Variants in FAM228A observed in about 807,000 individuals in gnomAD.
FAM228A encodes the protein protein FAM228A.
FAM228A carries 13 observed loss-of-function variants against 18.6 expected under a neutral mutation model. That is an observed-to-expected ratio of 0.70 (90% confidence interval 0.45 to 1.11). FAM228A has a LOEUF of 1.11. FAM228A is among the 50% of genes least tolerant of loss of function. The pLI is 0.00. For missense variants in FAM228A, 240 were observed against 242.2 expected, an observed-to-expected ratio of 0.99 and a Z score of 0.06; for synonymous variants, 77 against 86.6, an observed-to-expected ratio of 0.89 and a Z score of 0.61.
At chr2:24,182,030 C>A (rs944401764) in intron 3 of FAM228A, among the ~76,000 whole-genome samples, 1 of 152,098 alleles carries the variant, frequency 6.6e-6, no homozygotes, top group Non-Finnish European at 1.5e-5. Flanking sequence ...GCGAGTGTCA[C>A]AGAAGTCAGC....
chr2:24,190,350 T>A (rs1668050868), intron 5 of FAM228A, 62 bp from the exon 6 acceptor site: 1 of 1,492,994 alleles, frequency 6.7e-7, no homozygotes, highest in Admixed American at 2.5e-5. Flanking sequence ...CTTCGGAAAC[T>A]ATTTGATGGT....
chr2:24,190,313 A>G (rs1039089922), intron 5 of FAM228A, 99 bp from the exon 6 acceptor site: 1 of 1,382,452 alleles, frequency 7.2e-7, no homozygotes, highest in Admixed American at 2.8e-5. Context: ...CCTTCTCAAA[A>G]GTGACGATTG....
At chr2:24,188,511 T>G in intron 5 of FAM228A, 1 of 985,434 alleles carries the variant, frequency 1.0e-6, no homozygotes, top group Non-Finnish European at 1.2e-6. Context: ...ATTGCTTGAC[T>G]TGCCTCTTAG....
chr2:24,179,977 C>G (rs1288905200), intron 3 of FAM228A, among the ~76,000 whole-genome samples: 1 of 152,200 alleles, frequency 6.6e-6, no homozygotes, highest in Non-Finnish European at 1.5e-5. Context: ...TTAGGACTAA[C>G]AGTTTCTATA....
intron 3 of FAM228A, among the ~76,000 whole-genome samples, chr2:24,181,366 T>C (rs1667811691): frequency 6.6e-6 from 1 of 152,218 alleles, no homozygotes; most frequent in African/African-American, 2.4e-5. Flanking sequence ...TCCTGAAGTA[T>C]ACAATCCCTT....
chr2:24,181,623 TG>T (rs914973596), intron 3 of FAM228A, among the ~76,000 whole-genome samples: 11 of 152,232 alleles, frequency 7.2e-5, no homozygotes, highest in Admixed American at 5.9e-4. Context: ...TGACCTCAGG[TG>T]ATTTACCTGC....
intron 3 of FAM228A, chr2:24,179,124 A>G (rs765130130): frequency 9.3e-7 from 1 of 1,075,568 alleles, no homozygotes; most frequent in Non-Finnish European, 1.2e-6. Flanking sequence ...TTGGATATGT[A>G]TTTTCAGCAT....
Position 24,183,309 on chromosome 2 carries a change from C to A in FAM228A, c.187C>A (p.Pro63Thr). 6.2e-7 allele frequency: 1 copy of A among 1,613,668 alleles called. No homozygotes were observed. The highest frequency in any genetic ancestry group is 8.5e-7 in the Non-Finnish European group (1 of 1,179,652). Residue 63 changes from proline (P) to threonine (T), a missense_variant, in exon 4 of 6, where the codon CCT becomes ACT. Pro to Thr is a conservative substitution (Grantham distance 38, BLOSUM62 -1). Coordinates refer to ENST00000295150, the MANE Select transcript of FAM228A (RefSeq NM_001040710.3). ...VKVTVPPFVD[P>T]LFQRQQEVDE... ...GGTTACAGTCCCACCATTTGTTGAT[C>A]CTCTGTTTCAAAGACAGCAAGAGGT...
intron 3 of FAM228A, 102 bp downstream of exon 3, chr2:24,177,972 C>T: frequency 1.4e-6 from 1 of 712,940 alleles, no homozygotes; most frequent in East Asian, 2.7e-5. Flanking sequence ...CCAAGAGACT[C>T]ATTTTGCAGG....
rs117869000 is a variant in FAM228A, at chr2:24,187,905, T to C, written c.402-2507T>C. Among the ~76,000 whole-genome samples the C allele has an allele frequency of 4.1e-4, 63 of 152,290 alleles. 1 individual carries two copies. In the East Asian group the frequency reaches 6.4e-3, roughly 15 times the overall value. On this transcript the variant is annotated intron_variant, in intron 5 of 5. Transcript: ENST00000295150. ...TTGTCTTTGATTTTTTGTAGTTTTA[T>C]GTGATGTTTCTAGATGTGGATTTCT...
At chr2:24,183,454 T>G (rs1341549342) in intron 4 of FAM228A, 41 bp from the exon 5 acceptor site, 1 of 1,609,468 alleles carries the variant, frequency 6.2e-7, no homozygotes, top group African/African-American at 1.3e-5. Context: ...GCAACTGGAG[T>G]TCTTGAAGAG....
At chr2:24,178,507 G>C (rs1667744894) in intron 3 of FAM228A, among the ~76,000 whole-genome samples, 1 of 152,174 alleles carries the variant, frequency 6.6e-6, no homozygotes, top group East Asian at 1.9e-4. Flanking sequence ...TCAGGAGGTT[G>C]GGGCTGTAGT....
intron 5 of FAM228A, among the ~76,000 whole-genome samples, chr2:24,189,511 T>TTGAGGGC (rs1243990959): frequency 6.6e-6 from 1 of 151,684 alleles, no homozygotes; most frequent in Non-Finnish European, 1.5e-5. Flanking sequence ...GGCCCTTTCC[T>TTGAGGGC]CCATCAGCAA....
chr2:24,188,605 G>A (rs1234443696), intron 5 of FAM228A: 1 of 985,244 alleles, frequency 1.0e-6, no homozygotes, highest in African/African-American at 1.7e-5. Context: ...CACCAAAGAT[G>A]CTAGAAGCAC....
At chr2:24,179,668 C>T (rs1667770698) in intron 3 of FAM228A, among the ~76,000 whole-genome samples, 1 of 152,190 alleles carries the variant, frequency 6.6e-6, no homozygotes, top group Non-Finnish European at 1.5e-5. Flanking sequence ...ATCATTCTCA[C>T]ATTTGCCTGA....
In FAM228A at chr2:24,191,049, T is replaced by C. The variant is rs958075943; in HGVS notation, c.*418T>C. On this transcript the variant is annotated 3_prime_UTR_variant, in exon 6 of 6. Transcript: ENST00000295150. ...TGAAATGAAATTTATACCAAAAAAT[T>C]AGGGCAAGATGAGATTTTTTGATAT... The C allele has an allele frequency of 3.0e-6, 3 of 991,794 alleles. No homozygotes were observed. The highest frequency in any genetic ancestry group is 4.7e-5 in the South Asian group (1 of 21,352). The allele number at this position is 991,794 out of a possible 1,614,324, so 61.4% of individuals were successfully genotyped here.
At chr2:24,175,963 T>G (rs545308619) in intron 2 of FAM228A, 2 of 1,023,138 alleles carry the variant, frequency 2.0e-6, no homozygotes, top group South Asian at 7.8e-5. Flanking sequence ...ATTTCCTTTC[T>G]TTTTCCCCTT....
chr2:24,180,016 A>C (rs1667778394), intron 3 of FAM228A, among the ~76,000 whole-genome samples: 1 of 152,170 alleles, frequency 6.6e-6, no homozygotes, highest in Admixed American at 6.5e-5. Context: ...CTTTACAAAA[A>C]TTTGGTTTCT....
intron 5 of FAM228A, among the ~76,000 whole-genome samples, chr2:24,187,299 CAA>C (rs1667972276): frequency 6.6e-6 from 1 of 152,144 alleles, no homozygotes; most frequent in African/African-American, 2.4e-5. Context: ...TTTTTCGTAA[CAA>C]ATTTTATGTT....
Sources: gnomAD v4.1 joint callset for allele counts (sites outside exome capture counted in the v4.1 genomes callset) on GRCh38, gnomAD v4.1.1 for gene constraint, MANE v1.5 for transcripts, NCBI Gene and HGNC (gene_info 2026-07-23, HGNC 2026-07-21) for gene names.